The following SLC36A1 variants were observed in gnomAD, a reference collection of about 807,000 sequenced individuals.
The protein encoded by SLC36A1 is solute carrier family 36 member 1.
A neutral mutation model predicts 47.5 loss-of-function variants in SLC36A1; 30 were observed. The ratio of observed to expected loss-of-function variants is 0.63; its 90% CI spans 0.47 to 0.86. The LOEUF (loss-of-function observed/expected upper bound fraction) is 0.86, where lower values mean the gene tolerates loss of function less well. Ranked by LOEUF, SLC36A1 falls within the 40% of genes least tolerant of loss-of-function variation. The pLI is 0.00. For missense variants in SLC36A1, 517 were observed against 606.0 expected (o/e 0.85, Z 1.54); for synonymous variants, 255 against 249.7 (o/e 1.02, Z -0.20).
At chr5:151,407,935 C>G in the SLC36A1 span, among the ~76,000 whole-genome samples, 1 of 152,176 alleles carries the variant, frequency 6.6e-6, no homozygotes. Flanking sequence ...ATAATATAAG[C>G]AGTGAACATT....
At chr5:151,358,140 T>G in the SLC36A1 span, among the ~76,000 whole-genome samples, 1 of 152,146 alleles carries the variant, frequency 6.6e-6, no homozygotes, top group Admixed American at 6.5e-5. Context: ...ACTCAGCTAT[T>G]TGTTACAAAA....
the SLC36A1 span, chr5:151,554,818 G>T: frequency 4.4e-6 from 3 of 676,130 alleles, no homozygotes; most frequent in Admixed American, 2.9e-5. Flanking sequence ...TTGGAACTCA[G>T]CTCTCTGGCA....
rs1005146752 is a variant in SLC36A1, at chr5:151,488,511, G to A, written c.*257G>A. Reference sequence around the variant, plus strand: ...ACCTATTTACACCCAGAACTTTCCAGCTCCCCCTCATCATGCCTCCTCCTT... The same window carrying A: ...ACCTATTTACACCCAGAACTTTCCAACTCCCCCTCATCATGCCTCCTCCTT... On this transcript the variant is annotated 3_prime_UTR_variant, in exon 11 of 11. Coordinates refer to ENST00000243389, the MANE Select transcript of SLC36A1 (RefSeq NM_078483.4). 12 of 503,064 alleles carry A rather than the reference G, an allele frequency of 2.4e-5. No homozygotes were observed. The highest frequency in any genetic ancestry group is 3.9e-5 in the Non-Finnish European group (11 of 280,824). 31.2% of individuals were successfully genotyped at this position (503,064 alleles called of 1,614,324 possible).
the SLC36A1 span, among the ~76,000 whole-genome samples, chr5:151,350,027 A>G: frequency 6.6e-6 from 1 of 152,194 alleles, no homozygotes; most frequent in Non-Finnish European, 1.5e-5. Context: ...TCTGGTAGAA[A>G]TGATCACTGG....
At chr5:151,373,396 C>T in the SLC36A1 span, among the ~76,000 whole-genome samples, 1 of 152,056 alleles carries the variant, frequency 6.6e-6, no homozygotes, top group African/African-American at 2.4e-5. Context: ...ACCTTGAAAG[C>T]AGCCAAGGGA....
At chr5:151,441,607 A>G (rs10043854) in intron 1 of SLC36A1, among the ~76,000 whole-genome samples, 5,308 of 152,266 alleles carry the variant, frequency 0.035, 271 homozygotes, top group African/African-American at 0.12. Context: ...ATTGTATAAT[A>G]TAGGGTTTGG....
At chr5:151,369,757 C>T in the SLC36A1 span, among the ~76,000 whole-genome samples, 2 of 152,232 alleles carry the variant, frequency 1.3e-5, no homozygotes, top group African/African-American at 4.8e-5. Flanking sequence ...GTTGGGATTA[C>T]AGGCATAAGC....
the SLC36A1 span, among the ~76,000 whole-genome samples, chr5:151,361,245 C>T: frequency 0.014 from 2,164 of 152,124 alleles, 53 homozygotes; most frequent in African/African-American, 0.049. Flanking sequence ...TCGTTGAGAC[C>T]CCTGGTGTAG....
chr5:151,368,566 C>A, the SLC36A1 span, among the ~76,000 whole-genome samples: 1 of 152,140 alleles, frequency 6.6e-6, no homozygotes, highest in African/African-American at 2.4e-5. Flanking sequence ...TCCGAATGAC[C>A]CCAAACTTCA....
At chr5:151,463,295 A>T (rs1203677042) in intron 2 of SLC36A1, among the ~76,000 whole-genome samples, 1 of 152,134 alleles carries the variant, frequency 6.6e-6, no homozygotes, top group Non-Finnish European at 1.5e-5. Context: ...GAGAGAAGGG[A>T]TTCTCAGAAA....
the SLC36A1 span, among the ~76,000 whole-genome samples, chr5:151,540,019 C>T: frequency 1.3e-5 from 2 of 152,198 alleles, no homozygotes; most frequent in Non-Finnish European, 2.9e-5. Context: ...GGTCAGGTCT[C>T]TGTTGGTGTA....
chr5:151,433,253 TATATATATATATA>T (rs1295700085), upstream of SLC36A1, among the ~76,000 whole-genome samples: 6 of 19,508 alleles, frequency 3.1e-4, no homozygotes, highest in Non-Finnish European at 6.6e-4. Flanking sequence ...TATATATATA[TATATATATATATA>T]TTTTTTTTTT....
At chr5:151,440,118 A>T (rs1561711788) in intron 1 of SLC36A1, among the ~76,000 whole-genome samples, 1 of 152,184 alleles carries the variant, frequency 6.6e-6, no homozygotes, top group African/African-American at 2.4e-5. Flanking sequence ...TAGTGACAAA[A>T]GTAGGTAGGC....
chr5:151,382,371 A>G, the SLC36A1 span: 1 of 740,582 alleles, frequency 1.4e-6, no homozygotes, highest in South Asian at 1.7e-5. Context: ...CAAAAATATC[A>G]AAGATGCCTT....
At chr5:151,389,252 T>C in the SLC36A1 span, among the ~76,000 whole-genome samples, 1 of 151,886 alleles carries the variant, frequency 6.6e-6, no homozygotes, top group South Asian at 2.1e-4. Context: ...ACCTTCAAAC[T>C]TCATGCCTTT....
intron 10 of SLC36A1, among the ~76,000 whole-genome samples, chr5:151,482,140 G>A (rs17112022): frequency 0.064 from 9,743 of 152,258 alleles, 353 homozygotes; most frequent in African/African-American, 0.099. Flanking sequence ...CCAAGCAGTC[G>A]GATTTTTAGA....
the SLC36A1 span, among the ~76,000 whole-genome samples, chr5:151,429,022 C>T: frequency 2.6e-5 from 4 of 152,150 alleles, no homozygotes; most frequent in East Asian, 7.7e-4. Flanking sequence ...AGAAAATCCA[C>T]AGAATGCCTG....
the SLC36A1 span, among the ~76,000 whole-genome samples, chr5:151,412,210 G>A: frequency 4.2e-5 from 6 of 144,420 alleles, 1 homozygote; most frequent in Non-Finnish European, 7.6e-5. Context: ...ATTTCCCATG[G>A]GTTGTTTTGT....
chr5:151,380,412 C>A, the SLC36A1 span: 1 of 397,230 alleles, frequency 2.5e-6, no homozygotes, highest in Non-Finnish European at 5.1e-6. Context: ...TGTGGAAACC[C>A]AAAGGAAGAA....
Sources: allele counts gnomAD v4.1 joint callset (sites outside exome capture counted in the v4.1 genomes callset), GRCh38; gene constraint gnomAD v4.1.1; transcripts MANE v1.5; gene names NCBI Gene and HGNC (gene_info 2026-07-23, HGNC 2026-07-21).